The following LTBP1 variants were observed in gnomAD, a reference collection of about 807,000 sequenced individuals.
LTBP1 encodes the protein latent-transforming growth factor beta-binding protein 1.
Under a neutral mutation model 207.6 loss-of-function variants are expected in LTBP1, and 129 were observed. The ratio of observed to expected loss-of-function variants is 0.62; its 90% CI spans 0.54 to 0.72. LTBP1 has a LOEUF of 0.72. LTBP1 is among the 30% of genes least tolerant of loss of function. The pLI, the probability that LTBP1 is intolerant of heterozygous loss-of-function variation, is 0.00. For synonymous variants in LTBP1, 963 were observed against 833.7 expected, an observed-to-expected ratio of 1.16 and a Z score of -2.67; for missense variants, 2,281 against 2,217.2, an observed-to-expected ratio of 1.03 and a Z score of -0.58.
chr2:33,188,443 AAG>A, intron 6 of LTBP1, 132 bp from the exon 7 acceptor site: 27 of 613,630 alleles, frequency 4.4e-5, no homozygotes, highest in Admixed American at 2.5e-4. Flanking sequence ...AAAAAAAAAA[AAG>A]AATTTTGATG....
intron 4 of LTBP1, among the ~76,000 whole-genome samples, chr2:33,131,229 T>C (rs963503435): frequency 6.6e-6 from 1 of 152,316 alleles, no homozygotes; most frequent in African/African-American, 2.4e-5. Flanking sequence ...AATATTACCT[T>C]ATTCAAGACA....
At chr2:33,122,431 T>C (rs1170104036) in intron 4 of LTBP1, among the ~76,000 whole-genome samples, 1 of 152,156 alleles carries the variant, frequency 6.6e-6, no homozygotes, top group African/African-American at 2.4e-5. Flanking sequence ...CTGGCCACAG[T>C]GGACTGGAAA....
intron 5 of LTBP1, among the ~76,000 whole-genome samples, chr2:33,137,761 T>G (rs1284149591): frequency 1.3e-5 from 2 of 152,216 alleles, no homozygotes; most frequent in Non-Finnish European, 2.9e-5. Flanking sequence ...CACCATTTTT[T>G]CAATACGGAA....
At chr2:33,242,073 G>A (rs181860846) in intron 9 of LTBP1, among the ~76,000 whole-genome samples, 3 of 152,128 alleles carry the variant, frequency 2.0e-5, no homozygotes, top group South Asian at 2.1e-4. Flanking sequence ...GTCACGGAAG[G>A]TATCATATTT....
Position 33,188,609 on chromosome 2 carries a change from G to A in LTBP1, c.1459G>A (p.Val487Met), listed in dbSNP as rs1428538167. The change falls in exon 7 of 34, where the codon GTG (valine) becomes ATG (methionine). Residue 487 changes from valine (V) to methionine (M), a missense_variant. By Grantham distance (21) the Val-to-Met change is conservative (BLOSUM62 1). Coordinates refer to ENST00000404816, the MANE Select transcript of LTBP1 (RefSeq NM_206943.4). ...TCCTCCTAACATAGTCAATATCCATGTGAAACATCCTCCTGAAGCTTCCGT... is the reference window on the plus strand; with the variant it reads ...TCCTCCTAACATAGTCAATATCCATATGAAACATCCTCCTGAAGCTTCCGT... ...KFPPNIVNIH[V>M]KHPPEASVQI... is the part of the protein sequence containing the mutation. 6.2e-7 allele frequency: 1 copy of A among 1,613,588 alleles called. No homozygotes were observed. Among genetic ancestry groups the A allele is most frequent in the African/African-American group, 1.3e-5 (1 of 74,874 alleles).
chr2:33,042,896 C>CT (rs546805155), intron 3 of LTBP1, among the ~76,000 whole-genome samples: 86 of 152,318 alleles, frequency 5.6e-4, no homozygotes, highest in Admixed American at 2.7e-3. Flanking sequence ...AAAACACTCC[C>CT]TGCCTCCTGT....
At chr2:33,347,580 G>C in intron 26 of LTBP1, 70 bp downstream of exon 26, 1 of 1,577,188 alleles carries the variant, frequency 6.3e-7, no homozygotes, top group Non-Finnish European at 8.7e-7. Flanking sequence ...CACAGCTTTG[G>C]GATAAACGCT....
intron 2 of LTBP1, among the ~76,000 whole-genome samples, chr2:33,009,208 C>G (rs532075012): frequency 1.3e-5 from 2 of 152,046 alleles, no homozygotes; most frequent in South Asian, 4.2e-4. Context: ...GAAAAATGGT[C>G]AGATTCAGGA....
rs1482342428 is a variant in LTBP1 at position 32,969,864 on chromosome 2, C to T, written c.565+20919C>T. Among the ~76,000 whole-genome samples the T allele has an allele frequency of 3.3e-5, 5 of 152,152 alleles. No homozygotes were observed. The East Asian group carries it at 7.7e-4, about 23-fold the overall frequency. The stretch of plus-strand genomic sequence containing the variant: ...GATCGCCAACTGATTTCCACAGTGG[C>T]TGAACTAATTTACATTCCCACCTAC... On this transcript the variant is annotated intron_variant, in intron 2 of 33. Transcript: ENST00000404816.
chr2:33,217,419 T>C (rs886699659), intron 7 of LTBP1, 133 bp from the exon 8 acceptor site: 2 of 535,204 alleles, frequency 3.7e-6, no homozygotes, highest in Non-Finnish European at 6.8e-6. Context: ...CCAAGTTTTA[T>C]AGTTTTTTTC....
At chr2:33,107,238 G>A (rs1252828904) in intron 3 of LTBP1, among the ~76,000 whole-genome samples, 1 of 152,180 alleles carries the variant, frequency 6.6e-6, no homozygotes. Flanking sequence ...AGACATATAT[G>A]TAGATATGTA....
chr2:32,984,672 A>C (rs1440851350), intron 2 of LTBP1, among the ~76,000 whole-genome samples: 1 of 152,180 alleles, frequency 6.6e-6, no homozygotes, highest in African/African-American at 2.4e-5. Context: ...CTGTAATCCC[A>C]GCACTTTGGA....
chr2:33,201,423 A>T (rs2089250579), intron 7 of LTBP1, among the ~76,000 whole-genome samples: 1 of 151,578 alleles, frequency 6.6e-6, no homozygotes, highest in African/African-American at 2.4e-5. Flanking sequence ...GTGGGAATTG[A>T]ACAGTGAGAA....
chr2:33,227,473 A>G (rs1414780137), intron 9 of LTBP1, among the ~76,000 whole-genome samples: 1 of 152,186 alleles, frequency 6.6e-6, no homozygotes, highest in Non-Finnish European at 1.5e-5. Context: ...GTACCTCTAA[A>G]CAGAAAATAT....
chr2:33,314,637 A>G (rs1156987509), intron 23 of LTBP1, among the ~76,000 whole-genome samples: 1 of 152,216 alleles, frequency 6.6e-6, no homozygotes, highest in East Asian at 1.9e-4. Context: ...TTTCATTTAT[A>G]TATTCAGCAG....
rs1285548627 is a variant in LTBP1, at chr2:33,342,924, C to T, written c.3817C>T (p.Gln1273Ter). ...TAGSFRCLCY[Q>*]GFQAPQDGQG... Reference sequence around the variant, plus strand: ...TGGCTCCTTCCGCTGCCTCTGTTATCAGGGCTTTCAAGCCCCACAGGATGG... The same window carrying T: ...TGGCTCCTTCCGCTGCCTCTGTTATTAGGGCTTTCAAGCCCCACAGGATGG... The change falls in exon 25 of 34, where the codon CAG becomes TAG. Residue 1273 changes from glutamine to a stop codon, truncating the protein, a stop_gained. Coordinates refer to ENST00000404816, the MANE Select transcript of LTBP1 (RefSeq NM_206943.4). LOFTEE classifies it high-confidence loss of function. 1 of 1,613,924 alleles carries T rather than the reference C, an allele frequency of 6.2e-7. No homozygotes were observed. The highest frequency in any genetic ancestry group is 1.3e-5 in the African/African-American group (1 of 74,928).
At chr2:33,290,356 A>T (rs2093750418) in intron 19 of LTBP1, among the ~76,000 whole-genome samples, 1 of 152,174 alleles carries the variant, frequency 6.6e-6, no homozygotes, top group African/African-American at 2.4e-5. Flanking sequence ...AGATCTTCCC[A>T]AGGGTTGGAA....
In LTBP1 at chr2:33,273,680, C is replaced by G. The variant is rs1314995554; in HGVS notation, c.2642C>G (p.Pro881Arg). ...GAAATCAATGAATGTACTGTGAACCCTGATATCTGTGGAGCAGGACACTGC... is the reference window on the plus strand; with the variant it reads ...GAAATCAATGAATGTACTGTGAACCGTGATATCTGTGGAGCAGGACACTGC... ...VTEINECTVN[P>R]DICGAGHCIN... Residue 881 changes from proline (P) to arginine (R), a missense_variant, in exon 16 of 34, where the codon CCT becomes CGT. Coordinates refer to ENST00000404816, the MANE Select transcript of LTBP1 (RefSeq NM_206943.4). 3 of 1,608,858 alleles carry G rather than the reference C, an allele frequency of 1.9e-6. No homozygotes were observed. In the African/African-American group the frequency reaches 4.0e-5, roughly 22 times the overall value.
chr2:33,102,822 G>A (rs947258969), intron 3 of LTBP1, among the ~76,000 whole-genome samples: 3 of 152,102 alleles, frequency 2.0e-5, no homozygotes, highest in Admixed American at 1.3e-4. Flanking sequence ...TAAGCTGTAC[G>A]CATTGTCTGT....
Sources: gnomAD v4.1 joint callset for allele counts (sites outside exome capture counted in the v4.1 genomes callset) on GRCh38, gnomAD v4.1.1 for gene constraint, MANE v1.5 for transcripts, NCBI Gene and HGNC (gene_info 2026-07-23, HGNC 2026-07-21) for gene names.